The following ZNF785 variants were observed in gnomAD, a reference collection of about 807,000 sequenced individuals.
The protein encoded by ZNF785 is zinc finger protein 785.
A neutral mutation model predicts 11.3 loss-of-function variants in ZNF785; 15 were observed. The observed-to-expected ratio is 1.32, with a 90% CI of 0.89 to 2.04. ZNF785 has a LOEUF of 2.04. Among genes scored for constraint, ZNF785 ranks in the 30% most tolerant of loss-of-function variants. ZNF785 has a pLI of 0.00. For synonymous variants in ZNF785, 221 were observed against 231.0 expected (o/e 0.96, Z 0.39); for missense variants, 572 against 560.9 (o/e 1.02, Z -0.20).
In ZNF785 at chr16:30,585,177, C is replaced by T. The variant is rs367722544; in HGVS notation, c.279G>A (p.Gln93=). The T allele has an allele frequency of 4.5e-5, 72 of 1,614,028 alleles. No homozygotes were observed. The highest frequency in any genetic ancestry group is 1.6e-4 in the Middle Eastern group (1 of 6,084). ...GEVEAWSPEA[Q]DPDGESSAAF... The stretch of plus-strand genomic sequence containing the variant: ...CTGCAGAGCTCTCACCGTCGGGATC[C>T]TGGGCCTCCGGGCTCCACGCCTCCA... Residue 93 remains glutamine, a synonymous_variant, in exon 2 of 3, where the codon CAG becomes CAA. Transcript: ENST00000395216. This position sits in a 1 kb window ranked among gnomAD's most constrained non-coding sequence, Gnocchi z 4.0.
At chr16:30,579,814 A>G (rs2051783960), downstream of ZNF785, 1 of 455,798 alleles carries the variant, frequency 2.2e-6, no homozygotes, top group Admixed American at 2.4e-5. Flanking sequence ...TCATTCCTTC[A>G]AAAGTTTCCT....
chr16:30,585,123 T>C lies in ZNF785; in HGVS notation c.333A>G (p.Ala111=). 1.2e-6 allele frequency: 2 copies of C among 1,607,422 alleles called. No homozygotes were observed. Among genetic ancestry groups the C allele is most frequent in the Non-Finnish European group, 1.7e-6 (2 of 1,175,358 alleles). ...CGGCTACTTATCCAAATGAAGTACCTGCTTCCTGTCCTTGGCCCCTGCTGA... is the reference window on the plus strand; with the variant it reads ...CGGCTACTTATCCAAATGAAGTACCCGCTTCCTGTCCTTGGCCCCTGCTGA... The part of the protein sequence containing the change: ...AAFSRGQGQE[A]GSRDGNEEKE... Residue 111 remains alanine (A), a splice_region_variant and synonymous_variant, in exon 2 of 3, where the codon GCA becomes GCG. Coordinates refer to ENST00000395216, the MANE Select transcript of ZNF785 (RefSeq NM_152458.7). This position sits in a 1 kb window ranked among gnomAD's most constrained non-coding sequence, Gnocchi z 4.0.
At position 30,585,623 on chromosome 16, in the gene ZNF785, T is replaced by A. The variant is rs1339035091; in HGVS notation, c.-12A>T. Reference sequence around the variant, plus strand: ...AGGGGCGGCCCCATGGGAAACCCTTTCTGCCTGGCAAAGGGAGGCTTCCGG... The same window carrying A: ...AGGGGCGGCCCCATGGGAAACCCTTACTGCCTGGCAAAGGGAGGCTTCCGG... On this transcript the variant is annotated 5_prime_UTR_variant, in exon 1 of 3. Transcript: ENST00000395216. The surrounding 1 kb of genome is among the most constrained non-coding windows in gnomAD (Gnocchi z 4.0). 6 of 1,465,850 alleles carry A rather than the reference T, an allele frequency of 4.1e-6. No individual in the cohort carries two copies. The South Asian group carries it at 8.4e-5, about 20-fold the overall frequency. 90.8% of individuals were successfully genotyped at this position (1,465,850 alleles called of 1,614,324 possible).
At chr16:30,579,953 T>C (rs1277729861), downstream of ZNF785, 1 of 428,308 alleles carries the variant, frequency 2.3e-6, no homozygotes, top group Non-Finnish European at 4.7e-6. Flanking sequence ...AGTGGCGCGA[T>C]CTCAGCTCAC....
intron 2 of ZNF785, among the ~76,000 whole-genome samples, chr16:30,584,546 A>T (rs2051863679): frequency 6.6e-6 from 1 of 152,048 alleles, no homozygotes; most frequent in South Asian, 2.1e-4. Flanking sequence ...GCTACTCAGG[A>T]GGCTGAGGCA....
In ZNF785 at chr16:30,585,588, G is replaced by A. The variant is rs2051884967; in HGVS notation, c.24C>T (p.Arg8=). 4 of 1,517,520 alleles carry A rather than the reference G, an allele frequency of 2.6e-6. No individual in the cohort carries two copies. The African/African-American group carries it at 4.2e-5, about 16-fold the overall frequency. 94.0% of individuals were successfully genotyped at this position (1,517,520 alleles called of 1,614,324 possible). MGPPLAP[R]PAHVPGEAGP... is the part of the protein sequence containing the mutation. ...CGGCCTCCCCGGGTACGTGGGCCGG[G>A]CGCGGCGCCAGGGGCGGCCCCATGG... The change falls in exon 1 of 3, where the codon CGC becomes CGT. Residue 8 remains arginine, a synonymous_variant. Transcript: ENST00000395216. The surrounding 1 kb of genome is among the most constrained non-coding windows in gnomAD (Gnocchi z 4.0).
Position 30,582,726 on chromosome 16 carries a change from C to T in ZNF785, c.1052G>A (p.Arg351His), listed in dbSNP as rs150257210. ...CCGATGGGCTTCCAGGGCGGTCTTG[C>T]GCTTGAAGCCTTTCCCACACTCCAC... Reference protein sequence around the residue: ...PCVECGKGFKRKTALEAHRWI... With the variant: ...PCVECGKGFKHKTALEAHRWI... Residue 351 changes from arginine to histidine, a missense_variant, in exon 3 of 3, where the codon CGC becomes CAC. By Grantham distance (29) the Arg-to-His change is conservative. Transcript: ENST00000395216. 333 of 1,611,924 alleles carry T rather than the reference C, an allele frequency of 2.1e-4. No individual in the cohort carries two copies. Among genetic ancestry groups the T allele is most frequent in the Non-Finnish European group, 2.7e-4 (317 of 1,178,680 alleles).
downstream of ZNF785, chr16:30,578,864 C>T (rs2051772279): frequency 7.3e-6 from 1 of 137,612 alleles, no homozygotes; most frequent in South Asian, 2.2e-4. Context: ...TGCTGTTACT[C>T]AGACTGAAGT....
intron 2 of ZNF785, among the ~76,000 whole-genome samples, chr16:30,584,016 G>A (rs1252371911): frequency 1.3e-5 from 2 of 151,756 alleles, no homozygotes; most frequent in East Asian, 1.9e-4. Flanking sequence ...GAGGTGGTGG[G>A]CGCCTGTAAT....
chr16:30,583,416 T>G lies in ZNF785; in HGVS notation c.362A>C (p.Glu121Ala). The G allele has an allele frequency of 1.3e-6, 2 of 1,567,184 alleles. No individual in the cohort carries two copies. Among genetic ancestry groups the G allele is most frequent in the Non-Finnish European group, 1.7e-6 (2 of 1,155,248 alleles). ...AGSRDGNEEKERLKKCPKQKE... is the reference protein window; with the variant it reads ...AGSRDGNEEKARLKKCPKQKE... ...TTGTTTTGGACACTTCTTCAGCCTT[T>G]CCTTCTCCTCATTCCCATCCCTGGA... Residue 121 changes from glutamate (E) to alanine (A), a missense_variant, in exon 3 of 3, where the codon GAA becomes GCA. By Grantham distance (107) the Glu-to-Ala change is moderately radical (BLOSUM62 -1). Transcript: ENST00000395216.
chr16:30,585,511 A>G lies in ZNF785; in HGVS notation c.101T>C (p.Val34Ala), dbSNP rs1307006267. The change falls in exon 1 of 3, where the codon GTG (valine) becomes GCG (alanine). Residue 34 changes from valine (V) to alanine (A), a missense_variant. Coordinates refer to ENST00000395216, the MANE Select transcript of ZNF785 (RefSeq NM_152458.7). The surrounding 1 kb of genome is among the most constrained non-coding windows in gnomAD (Gnocchi z 4.0). ...CTCCTCGGGAGAGAAGTACACGGCC[A>G]CGTCCGCGAAGCTCACGGCGCCCGG... is the stretch of plus-strand genomic sequence containing the variant. ...SRPGAVSFAD[V>A]AVYFSPEEWE... 6.3e-7 allele frequency: 1 copy of G among 1,594,688 alleles called. No homozygotes were observed. The highest frequency in any genetic ancestry group is 8.5e-7 in the Non-Finnish European group (1 of 1,171,552).
At chr16:30,580,186 C>CTT (rs35143221), downstream of ZNF785, among the ~76,000 whole-genome samples, 17,539 of 92,440 alleles carry the variant, frequency 0.19, 2,637 homozygotes, top group South Asian at 0.6. Flanking sequence ...CACACCAGGC[C>CTT]TTTTTTTTTT....
At chr16:30,580,433 C>A (rs559017675), downstream of ZNF785, among the ~76,000 whole-genome samples, 23 of 150,496 alleles carry the variant, frequency 1.5e-4, no homozygotes, top group Non-Finnish European at 3.1e-4. Flanking sequence ...CGGCTCACTG[C>A]AAGCTCCGCC....
rs1261079671 is a variant in ZNF785 at position 30,585,163 on chromosome 16, T to C, written c.293A>G (p.Glu98Gly). The C allele has an allele frequency of 6.2e-7, 1 of 1,613,956 alleles. No individual in the cohort carries two copies. Among genetic ancestry groups the C allele is most frequent in the African/African-American group, 1.3e-5 (1 of 74,932 alleles). ...WSPEAQDPDG[E>G]SSAAFSRGQG... ...GCCCCTGCTGAAAGCTGCAGAGCTCTCACCGTCGGGATCCTGGGCCTCCGG... is the reference window on the plus strand; with the variant it reads ...GCCCCTGCTGAAAGCTGCAGAGCTCCCACCGTCGGGATCCTGGGCCTCCGG... The change falls in exon 2 of 3, where the codon GAG (glutamate) becomes GGG (glycine). Residue 98 changes from glutamate to glycine, a missense_variant. By Grantham distance (98) the Glu-to-Gly change is moderately conservative. Coordinates refer to ENST00000395216, the MANE Select transcript of ZNF785 (RefSeq NM_152458.7). The surrounding 1 kb of genome is among the most constrained non-coding windows in gnomAD (Gnocchi z 4.0).
Position 30,581,345 on chromosome 16 carries a change from A to G in ZNF785, c.*1215T>C. The G allele has an allele frequency of 6.6e-6, 1 of 151,778 alleles. No individual in the cohort carries two copies. Among genetic ancestry groups the G allele is most frequent in the Non-Finnish European group, 1.5e-5 (1 of 67,984 alleles). The allele number at this position is 151,778 out of a possible 1,614,324, so 9.4% of individuals were successfully genotyped here. A position where few individuals can be genotyped will look rare whatever the true frequency, so the allele number is the denominator to read the frequency against. ...CGTGGTGGCGGGTGCTTGTAATTCCAGCTACTCGGGAGACTGAAGCAGGAG... is the reference window on the plus strand; with the variant it reads ...CGTGGTGGCGGGTGCTTGTAATTCCGGCTACTCGGGAGACTGAAGCAGGAG... On this transcript the variant is annotated 3_prime_UTR_variant, in exon 3 of 3. Coordinates refer to ENST00000395216, the MANE Select transcript of ZNF785 (RefSeq NM_152458.7).
Position 30,582,894 on chromosome 16 carries a change from T to A in ZNF785, c.884A>T (p.Tyr295Phe). 6.2e-7 allele frequency: 1 copy of A among 1,613,414 alleles called. No individual in the cohort carries two copies. Reference sequence around the variant, plus strand: ...CCTGTGGATGGCCAGCAGGGAGGTGTAGGCGAAACGGAGGCTGCAATCGGG... The same window carrying A: ...CCTGTGGATGGCCAGCAGGGAGGTGAAGGCGAAACGGAGGCTGCAATCGGG... ...SCPDCSLRFA[Y>F]TSLLAIHRRI... Residue 295 changes from tyrosine to phenylalanine, a missense_variant, in exon 3 of 3, where the codon TAC becomes TTC. Coordinates refer to ENST00000395216, the MANE Select transcript of ZNF785 (RefSeq NM_152458.7).
Position 30,582,171 on chromosome 16 carries a change from T to G in ZNF785, c.*389A>C. The G allele has an allele frequency of 1.0e-5, 2 of 199,352 alleles. No individual in the cohort carries two copies. Among genetic ancestry groups the G allele is most frequent in the Non-Finnish European group, 2.0e-5 (2 of 98,162 alleles). The allele number at this position is 199,352 out of a possible 1,614,324, so 12.3% of individuals were successfully genotyped here. On this transcript the variant is annotated 3_prime_UTR_variant, in exon 3 of 3. Coordinates refer to ENST00000395216, the MANE Select transcript of ZNF785 (RefSeq NM_152458.7). Reference sequence around the variant, plus strand: ...GAGGTATCCCCTCTATTCTGGGGGGTCCAGAGTGGGTGCAGGCTCCTTTAA... The same window carrying G: ...GAGGTATCCCCTCTATTCTGGGGGGGCCAGAGTGGGTGCAGGCTCCTTTAA...
downstream of ZNF785, chr16:30,578,633 C>G (rs1431154563): frequency 2.6e-5 from 4 of 152,258 alleles, no homozygotes; most frequent in Admixed American, 2.0e-4. Flanking sequence ...AAACGATTCT[C>G]CTGCCTCAGC....
rs1030962487 is a variant in ZNF785 at position 30,580,793 on chromosome 16, C to T, written c.*1767G>A. The T allele has an allele frequency of 7.3e-5, 11 of 151,696 alleles. No homozygotes were observed. The highest frequency in any genetic ancestry group is 1.5e-4 in the African/African-American group (6 of 41,356). The allele number at this position is 151,696 out of a possible 1,614,324, so 9.4% of individuals were successfully genotyped here. ...CTAGGATTACAGGCGTGAGCCACCGCGCCTGGCCTTCATAACTGTTGACAT... is the reference window on the plus strand; with the variant it reads ...CTAGGATTACAGGCGTGAGCCACCGTGCCTGGCCTTCATAACTGTTGACAT... On this transcript the variant is annotated 3_prime_UTR_variant, in exon 3 of 3. Coordinates refer to ENST00000395216, the MANE Select transcript of ZNF785 (RefSeq NM_152458.7).
Sources: allele counts gnomAD v4.1 joint callset (sites outside exome capture counted in the v4.1 genomes callset), GRCh38; gene constraint gnomAD v4.1.1; non-coding constraint Gnocchi (gnomAD v3.1); transcripts MANE v1.5; gene names NCBI Gene and HGNC (gene_info 2026-07-23, HGNC 2026-07-21).